TET2: variants seen among roughly 807,000 people sequenced by gnomAD.
TET2 encodes the protein tet methylcytosine dioxygenase 2.
Under a neutral mutation model 142.9 loss-of-function variants are expected in TET2, and 299 were observed. The ratio of observed to expected loss-of-function variants is 2.09; its 90% CI spans 1.90 to 2.30. TET2 has a LOEUF of 2.30. TET2 is among the 30% of genes most tolerant of loss of function. The probability of loss-of-function intolerance (pLI) is 0.00; values close to 1 mark genes in which losing one functional copy is unlikely to be tolerated. For synonymous variants in TET2, 819 were observed against 849.0 expected, an observed-to-expected ratio of 0.96 and a Z score of 0.61; for missense variants, 2,418 against 2,378.0, an observed-to-expected ratio of 1.02 and a Z score of -0.35.
chr4:105,176,098 A>G (rs983721573), intron 1 of TET2, among the ~76,000 whole-genome samples: 1 of 152,152 alleles, frequency 6.6e-6, no homozygotes, highest in Non-Finnish European at 1.5e-5. Context: ...CAGGTTAGAA[A>G]CTCAGATCCA....
At chr4:105,256,687 CTTTA>C (rs1459821623) in intron 6 of TET2, among the ~76,000 whole-genome samples, 11 of 152,030 alleles carry the variant, frequency 7.2e-5, no homozygotes, top group Admixed American at 6.6e-5. Context: ...TCTTCCTATT[CTTTA>C]TTCTTCATCC....
intron 1 of TET2, among the ~76,000 whole-genome samples, chr4:105,183,036 C>T (rs752827353): frequency 1.1e-4 from 16 of 151,948 alleles, no homozygotes; most frequent in Non-Finnish European, 1.2e-4. Flanking sequence ...CCCCAAAATA[C>T]GAAAAATAAA....
intron 2 of TET2, among the ~76,000 whole-genome samples, chr4:105,223,412 A>G (rs187251109): frequency 7.2e-4 from 109 of 152,256 alleles, no homozygotes; most frequent in African/African-American, 2.6e-3. Context: ...TTTTAATTTT[A>G]TAAGAAATGC....
intron 1 of TET2, among the ~76,000 whole-genome samples, chr4:105,180,936 G>T (rs1490903418): frequency 6.6e-6 from 1 of 152,142 alleles, no homozygotes; most frequent in East Asian, 1.9e-4. Context: ...ACTGCATCTG[G>T]CCCTTTTATC....
chr4:105,259,361 G>A (rs1445988324), intron 6 of TET2, among the ~76,000 whole-genome samples: 1 of 152,174 alleles, frequency 6.6e-6, no homozygotes, highest in Non-Finnish European at 1.5e-5. Flanking sequence ...TTGTTTCTTA[G>A]TGTGGGTTCT....
chr4:105,150,386 C>T (rs1030204570), intron 1 of TET2, among the ~76,000 whole-genome samples: 1 of 152,106 alleles, frequency 6.6e-6, no homozygotes, highest in African/African-American at 2.4e-5. Flanking sequence ...AATTTCAAAT[C>T]GCTGGAAAGA....
Position 105,236,262 on chromosome 4 carries a change from T to C in TET2, c.2320T>C (p.Ser774Pro), listed in dbSNP as rs756025246. 6 of 1,613,966 alleles carry C rather than the reference T, an allele frequency of 3.7e-6. No homozygotes were observed. Among genetic ancestry groups the C allele is most frequent in the Non-Finnish European group, 5.1e-6 (6 of 1,180,016 alleles). The change falls in exon 3 of 11, where the codon TCA becomes CCA. Residue 774 changes from serine to proline, a missense_variant. By Grantham distance (74) the Ser-to-Pro change is moderately conservative. Coordinates refer to ENST00000380013, the MANE Select transcript of TET2 (RefSeq NM_001127208.3). ...QSNNDQQREG[S>P]FFGQTKVEEC... ...CAACAATGATCAGCAAAGAGAAGGA[T>C]CATTCTTTGGCCAGACTAAAGTGGA...
At chr4:105,220,151 CTGAA>C (rs1261486977) in intron 2 of TET2, among the ~76,000 whole-genome samples, 3 of 152,206 alleles carry the variant, frequency 2.0e-5, no homozygotes, top group African/African-American at 7.2e-5. Context: ...TATAACTACA[CTGAA>C]TGATTATGAG....
chr4:105,225,821 G>C (rs547728848), intron 2 of TET2, among the ~76,000 whole-genome samples: 3 of 152,088 alleles, frequency 2.0e-5, no homozygotes, highest in Non-Finnish European at 4.4e-5. Flanking sequence ...CATTATCAGG[G>C]GAGATTCATA....
chr4:105,266,316 A>C (rs1299790793), intron 8 of TET2, among the ~76,000 whole-genome samples: 1 of 152,208 alleles, frequency 6.6e-6, no homozygotes, highest in East Asian at 1.9e-4. Context: ...AACTGATTCT[A>C]AGTAATTTAA....
chr4:105,188,806 C>A (rs1298571207), intron 1 of TET2, among the ~76,000 whole-genome samples: 2 of 152,100 alleles, frequency 1.3e-5, no homozygotes, highest in African/African-American at 2.4e-5. Flanking sequence ...AATAGGAAAA[C>A]CCATAAAGAC....
chr4:105,165,143 G>A (rs1428755246), intron 1 of TET2, among the ~76,000 whole-genome samples: 3 of 152,142 alleles, frequency 2.0e-5, no homozygotes, highest in African/African-American at 7.2e-5. Flanking sequence ...GGGAGGCCGA[G>A]GCGGGCAGAT....
At chr4:105,228,943 T>G (rs1183023940) in intron 2 of TET2, among the ~76,000 whole-genome samples, 1 of 152,198 alleles carries the variant, frequency 6.6e-6, no homozygotes, top group East Asian at 1.9e-4. Flanking sequence ...AATTTTCTAC[T>G]TGTTCAATAG....
At chr4:105,220,778 A>G (rs1244960728) in intron 2 of TET2, among the ~76,000 whole-genome samples, 1 of 152,194 alleles carries the variant, frequency 6.6e-6, no homozygotes, top group East Asian at 1.9e-4. Flanking sequence ...CTCACTGCAC[A>G]GTACCCTGAT....
intron 2 of TET2, among the ~76,000 whole-genome samples, chr4:105,228,459 T>A (rs1728312543): frequency 6.6e-6 from 1 of 152,096 alleles, no homozygotes; most frequent in Admixed American, 6.5e-5. Context: ...CTTCATTTCT[T>A]AGTAGCTATT....
At chr4:105,262,001 A>G (rs1347126589) in intron 8 of TET2, among the ~76,000 whole-genome samples, 153 bp downstream of exon 8, 2 of 152,204 alleles carry the variant, frequency 1.3e-5, no homozygotes, top group Non-Finnish European at 2.9e-5. Flanking sequence ...TTTCGAGTAT[A>G]TAAAAATTAT....
At chr4:105,263,907 A>T (rs1382190043) in intron 8 of TET2, among the ~76,000 whole-genome samples, 2 of 152,154 alleles carry the variant, frequency 1.3e-5, no homozygotes, top group Non-Finnish European at 2.9e-5. Flanking sequence ...AGCTGGAATG[A>T]TGAGAAGACA....
intron 1 of TET2, among the ~76,000 whole-genome samples, chr4:105,151,477 T>C (rs1028582214): frequency 1.3e-5 from 2 of 150,020 alleles, no homozygotes; most frequent in Admixed American, 6.7e-5. Flanking sequence ...ATATATTAGA[T>C]ATAGATAATA....
intron 1 of TET2, among the ~76,000 whole-genome samples, chr4:105,185,757 C>CT (rs1366436712): frequency 6.6e-6 from 1 of 151,916 alleles, no homozygotes; most frequent in Non-Finnish European, 1.5e-5. Flanking sequence ...CCAGCCTGGG[C>CT]TACAGAGCAA....
Sources: gnomAD v4.1 joint callset for allele counts (sites outside exome capture counted in the v4.1 genomes callset) on GRCh38, gnomAD v4.1.1 for gene constraint, MANE v1.5 for transcripts, NCBI Gene and HGNC (gene_info 2026-07-23, HGNC 2026-07-21) for gene names.